Variants in PDGFRB observed in about 807,000 individuals in gnomAD.
PDGFRB encodes platelet derived growth factor receptor beta, also known as platelet-derived growth factor receptor beta.
PDGFRB carries 42 observed loss-of-function variants against 120.2 expected under a neutral mutation model. The observed-to-expected ratio is 0.35, with a 90% CI of 0.27 to 0.45. The LOEUF is 0.45. Ranked by LOEUF, PDGFRB falls within the 20% of genes least tolerant of loss-of-function variation. The pLI, the probability that PDGFRB is intolerant of heterozygous loss-of-function variation, is 1.00. For synonymous variants in PDGFRB, 586 were observed against 606.8 expected (o/e 0.97, Z 0.50); for missense variants, 1,149 against 1,476.3 (o/e 0.78, Z 3.63).
intron 1 of PDGFRB, among the ~76,000 whole-genome samples, chr5:150,145,624 C>T (rs1034657567): frequency 9.9e-5 from 15 of 152,206 alleles, no homozygotes; most frequent in African/African-American, 3.4e-4. Context: ...AGACAGGCTC[C>T]AGAGCACACA....
Position 150,127,314 on chromosome 5 carries a change from C to T in PDGFRB, c.1580-700G>A, listed in dbSNP as rs1580802380. Among the ~76,000 whole-genome samples, 3 of 152,304 alleles carry T rather than the reference C, an allele frequency of 2.0e-5. No homozygotes were observed. The South Asian group carries it at 6.2e-4, about 32-fold the overall frequency. The stretch of plus-strand genomic sequence containing the variant: ...CTCTCCTCATCCAGCCCCGCCAGAC[C>T]TGCCTCTCCCCTGCCCTGCCCTGCT... On this transcript the variant is annotated intron_variant, in intron 10 of 22. Coordinates refer to ENST00000261799, the MANE Select transcript of PDGFRB (RefSeq NM_002609.4).
intron 1 of PDGFRB, among the ~76,000 whole-genome samples, chr5:150,150,828 G>A (rs956465329): frequency 1.3e-5 from 2 of 152,116 alleles, no homozygotes; most frequent in Admixed American, 6.5e-5. Flanking sequence ...CTGGGCCAAA[G>A]CCTTGCTTCC....
chr5:150,120,925 T>C lies in PDGFRB; in HGVS notation c.2549A>G (p.Asp850Gly), dbSNP rs1060499540. 6.2e-7 allele frequency: 1 copy of C among 1,613,824 alleles called. No individual in the cohort carries two copies. The highest frequency in any genetic ancestry group is 8.5e-7 in the Non-Finnish European group (1 of 1,179,896). ...GATGTAATTCGAGTCCCGCATGATGTCTCGAGCCAGGCCAAAGTCACAGAT... is the reference window on the plus strand; with the variant it reads ...GATGTAATTCGAGTCCCGCATGATGCCTCGAGCCAGGCCAAAGTCACAGAT... ...VKICDFGLAR[D>G]IMRDSNYISK... The change falls in exon 18 of 23, where the codon GAC becomes GGC. Residue 850 changes from aspartate (D) to glycine (G), a missense_variant. Transcript: ENST00000261799. The surrounding 1 kb of genome is among the most constrained non-coding windows in gnomAD (Gnocchi z 4.3).
Position 150,119,415 on chromosome 5 carries a change from T to C in PDGFRB, c.2798+52A>G, listed in dbSNP as rs1187911468. 8 of 984,768 alleles carry C rather than the reference T, an allele frequency of 8.1e-6. No homozygotes were observed. In the African/African-American group the frequency reaches 1.3e-4, roughly 16 times the overall value. 61.0% of individuals were successfully genotyped at this position (984,768 alleles called of 1,614,324 possible). A position where few individuals can be genotyped will look rare whatever the true frequency, so the allele number is the denominator to read the frequency against. ...TTTGGTTTAAGCCAGTAGAGTTGGA[T>C]ATCTATTGTTTGCAGCACAAAATCC... On this transcript the variant is annotated intron_variant, in intron 20 of 22. Transcript: ENST00000261799.
Position 150,130,649 on chromosome 5 carries a change from C to A in PDGFRB, c.1257G>T (p.Val419=), listed in dbSNP as rs1562004250. Residue 419 remains valine, a synonymous_variant, in exon 9 of 23, where the codon GTG becomes GTT. Coordinates refer to ENST00000261799, the MANE Select transcript of PDGFRB (RefSeq NM_002609.4). ...CAGGGTGGCTCTCACTTAGCTCCAGCACTCGGACAGGGACTGCATGGAGAG... is the reference window on the plus strand; with the variant it reads ...CAGGGTGGCTCTCACTTAGCTCCAGAACTCGGACAGGGACTGCATGGAGAG... The part of the protein sequence containing the change: ...FQLQINVPVR[V]LELSESHPDS... The A allele has an allele frequency of 6.2e-7, 1 of 1,613,280 alleles. No homozygotes were observed. Among genetic ancestry groups the A allele is most frequent in the Non-Finnish European group, 8.5e-7 (1 of 1,179,872 alleles).
chr5:150,138,366 T>C (rs1384388829), intron 1 of PDGFRB, among the ~76,000 whole-genome samples: 1 of 152,204 alleles, frequency 6.6e-6, no homozygotes, highest in Non-Finnish European at 1.5e-5. Flanking sequence ...TGCCACCTCT[T>C]GTGCCATCGC....
At chr5:150,142,403 C>T (rs541834080) in intron 1 of PDGFRB, among the ~76,000 whole-genome samples, 11 of 152,320 alleles carry the variant, frequency 7.2e-5, no homozygotes, top group African/African-American at 9.6e-5. Context: ...ATTCTCTGCA[C>T]GAGCCCAGCC....
chr5:150,147,200 G>A (rs1760946540), intron 1 of PDGFRB, among the ~76,000 whole-genome samples: 1 of 152,168 alleles, frequency 6.6e-6, no homozygotes, highest in African/African-American at 2.4e-5. Flanking sequence ...TTTGCAGAGG[G>A]CCAGGGCCTC....
intron 1 of PDGFRB, among the ~76,000 whole-genome samples, chr5:150,152,276 G>A (rs1377468513): frequency 2.0e-5 from 3 of 152,168 alleles, no homozygotes; most frequent in Non-Finnish European, 4.4e-5. Context: ...TCCAAGTGCT[G>A]AGGAATACAG....
At chr5:150,152,174 T>C (rs1761096888) in intron 1 of PDGFRB, among the ~76,000 whole-genome samples, 1 of 152,128 alleles carries the variant, frequency 6.6e-6, no homozygotes, top group South Asian at 2.1e-4. Context: ...CCCAAAGTGC[T>C]GGGATTACAT....
chr5:150,134,912 C>T lies in PDGFRB; in HGVS notation c.469G>A (p.Val157Met). 1.2e-6 allele frequency: 2 copies of T among 1,613,956 alleles called. No homozygotes were observed. The highest frequency in any genetic ancestry group is 1.1e-5 in the South Asian group (1 of 91,090). ...CCTTTCTTCTCGTGCAGTGTCACCA[C>T]CAGCTGTGGGTCTGTTACTCGGCAT... is the stretch of plus-strand genomic sequence containing the variant. Reference protein sequence around the residue: ...IPCRVTDPQLVVTLHEKKGDV... With the variant: ...IPCRVTDPQLMVTLHEKKGDV... Residue 157 changes from valine to methionine, a missense_variant, in exon 4 of 23, where the codon GTG (valine) becomes ATG (methionine). This residue lies in a region of PDGFRB where 879 missense variants were observed against 1,108.6 expected (regional missense o/e 0.79). Transcript: ENST00000261799.
Position 150,132,681 on chromosome 5 carries a change from G to A in PDGFRB, c.1127+69C>T. The A allele has an allele frequency of 3.4e-6, 5 of 1,465,946 alleles. No homozygotes were observed. In the South Asian group the frequency reaches 6.6e-5, roughly 19 times the overall value. 90.8% of individuals were successfully genotyped at this position (1,465,946 alleles called of 1,614,324 possible). On this transcript the variant is annotated intron_variant, in intron 7 of 22. Coordinates refer to ENST00000261799, the MANE Select transcript of PDGFRB (RefSeq NM_002609.4). The surrounding 1 kb of genome is among the most constrained non-coding windows in gnomAD (Gnocchi z 5.0). ...GCTGGGCCTAGGTTTGTGGCTGAAA[G>A]CCGAGGGCTGCCTGGCGGCTGCAAA...
chr5:150,118,896 G>C, intron 20 of PDGFRB, 44 bp from the exon 21 acceptor site: 1 of 1,255,606 alleles, frequency 8.0e-7, no homozygotes, highest in Non-Finnish European at 1.2e-6. Flanking sequence ...CCAGGGTTCA[G>C]GGGACAAGGC....
At chr5:150,139,831 T>C (rs1481770633) in intron 1 of PDGFRB, among the ~76,000 whole-genome samples, 1 of 151,776 alleles carries the variant, frequency 6.6e-6, no homozygotes, top group East Asian at 1.9e-4. Flanking sequence ...AATACAAAAA[T>C]TAGCTGGACA....
chr5:150,134,646 C>A, intron 4 of PDGFRB, 104 bp downstream of exon 4: 1 of 1,048,410 alleles, frequency 9.5e-7, no homozygotes, highest in Admixed American at 2.4e-5. Context: ...TGGTGAGAAT[C>A]CACTGGGAAG....
At chr5:150,133,004 G>GC in intron 6 of PDGFRB, 62 bp from the exon 7 acceptor site, 4 of 1,224,074 alleles carry the variant, frequency 3.3e-6, no homozygotes, top group Non-Finnish European at 3.5e-6. Context: ...AATCCCAAAG[G>GC]AGGCCAGCCT....
At chr5:150,128,426 G>A (rs922327877) in intron 10 of PDGFRB, among the ~76,000 whole-genome samples, 1 of 152,234 alleles carries the variant, frequency 6.6e-6, no homozygotes, top group South Asian at 2.1e-4. Flanking sequence ...TGCATACACA[G>A]AGACCAAGAT....
At chr5:150,126,709 T>C (rs1040340974) in intron 10 of PDGFRB, 95 bp from the exon 11 acceptor site, 1 of 742,646 alleles carries the variant, frequency 1.3e-6, no homozygotes, top group Non-Finnish European at 2.5e-6. Flanking sequence ...GTACACATCC[T>C]GTCCAGAATA....
chr5:150,143,919 G>A (rs1760847388), intron 1 of PDGFRB, among the ~76,000 whole-genome samples: 1 of 152,066 alleles, frequency 6.6e-6, no homozygotes, highest in African/African-American at 2.4e-5. Context: ...GCAGCCCGGC[G>A]CAGCCCACTC....
Sources: gnomAD v4.1 joint callset for allele counts (sites outside exome capture counted in the v4.1 genomes callset) on GRCh38, gnomAD v4.1.1 for gene constraint, gnomAD v4.1.1 regional missense constraint, Gnocchi (gnomAD v3.1) non-coding constraint, MANE v1.5 for transcripts, NCBI Gene and HGNC (gene_info 2026-07-23, HGNC 2026-07-21) for gene names.